The following ATP2B1 variants were observed in gnomAD, a reference collection of about 807,000 sequenced individuals.
The protein encoded by ATP2B1 is plasma membrane calcium-transporting ATPase 1.
Under a neutral mutation model 124.2 loss-of-function variants are expected in ATP2B1, and 14 were observed. That is an observed-to-expected ratio of 0.11 (90% CI 0.07 to 0.18). The LOEUF is 0.18. Among genes scored for constraint, ATP2B1 ranks in the 10% least tolerant of loss-of-function variants. The pLI, the probability that ATP2B1 is intolerant of heterozygous loss-of-function variation, is 1.00. For synonymous variants in ATP2B1, 449 were observed against 492.4 expected (o/e 0.91, Z 1.17); for missense variants, 763 against 1,466.1 (o/e 0.52, Z 7.83).
chr12:89,592,262 T>C (rs1873720636), intron 20 of ATP2B1, among the ~76,000 whole-genome samples: 1 of 152,096 alleles, frequency 6.6e-6, no homozygotes, highest in East Asian at 1.9e-4. Context: ...GCATTTACTA[T>C]GTATCAATTC....
intron 1 of ATP2B1, among the ~76,000 whole-genome samples, chr12:89,703,756 T>G (rs1268538105): frequency 6.6e-6 from 1 of 152,158 alleles, no homozygotes; most frequent in Non-Finnish European, 1.5e-5. Flanking sequence ...ATTTTCAATT[T>G]ATCAGTTCTA....
intron 3 of ATP2B1, 39 bp downstream of exon 3, chr12:89,642,119 C>T: frequency 1.3e-6 from 2 of 1,550,740 alleles, no homozygotes; most frequent in Non-Finnish European, 1.8e-6. Context: ...ATTAGCTGAA[C>T]TAGCATCAGA....
At chr12:89,647,803 T>C (rs1471275083) in intron 2 of ATP2B1, among the ~76,000 whole-genome samples, 1 of 152,158 alleles carries the variant, frequency 6.6e-6, no homozygotes, top group African/African-American at 2.4e-5. Context: ...CCTTCATGAA[T>C]GGTTCAGCAT....
chr12:89,601,266 C>A, intron 19 of ATP2B1, 60 bp downstream of exon 19: 1 of 1,144,016 alleles, frequency 8.7e-7, no homozygotes, highest in Non-Finnish European at 1.3e-6. Flanking sequence ...AGAAAATACA[C>A]ACTAGAAATT....
Position 89,623,099 on chromosome 12 carries a change from T to C in ATP2B1, c.1344+1084A>G, listed in dbSNP as rs534261724. On this transcript the variant is annotated intron_variant, in intron 9 of 20. Coordinates refer to ENST00000428670, the MANE Select transcript of ATP2B1 (RefSeq NM_001366521.1). ...ACTTTATTTTTGAAATGAAAGTTGT[T>C]AAATGCCTGAAAAGAAAATAAACTC... Among the ~76,000 whole-genome samples the C allele has an allele frequency of 8.5e-5, 13 of 152,302 alleles. No individual in the cohort carries two copies. The South Asian group carries it at 2.7e-3, about 32-fold the overall frequency.
chr12:89,610,477 G>T lies in ATP2B1; in HGVS notation c.2279C>A (p.Pro760Gln). The change falls in exon 14 of 21, where the codon CCA becomes CAA. Residue 760 changes from proline (P) to glutamine (Q), a missense_variant. By Grantham distance (76) the Pro-to-Gln change is moderately conservative. Coordinates refer to ENST00000428670, the MANE Select transcript of ATP2B1 (RefSeq NM_001366521.1). ...IEQERIDKIW[P>Q]KLRVLARSSP... ...TGATCTTGCAAGTACTCGAAGTTTT[G>T]GCCAAATCTTGTCTATCCTCTCTTG... 6.2e-7 allele frequency: 1 copy of T among 1,613,660 alleles called. No individual in the cohort carries two copies. The highest frequency in any genetic ancestry group is 8.5e-7 in the Non-Finnish European group (1 of 1,179,730).
chr12:89,630,717 C>T (rs940166624), intron 5 of ATP2B1, 72 bp from the exon 6 acceptor site: 5 of 1,150,278 alleles, frequency 4.3e-6, no homozygotes, highest in Non-Finnish European at 4.6e-6. Context: ...TTTCAAACTT[C>T]AGTAATATTG....
intron 5 of ATP2B1, among the ~76,000 whole-genome samples, chr12:89,632,409 G>T (rs1882015814): frequency 6.6e-6 from 1 of 152,106 alleles, no homozygotes; most frequent in Admixed American, 6.6e-5. Flanking sequence ...TATTTCACTA[G>T]TTATTAGCTT....
chr12:89,624,770 T>C (rs1880556429), intron 8 of ATP2B1, among the ~76,000 whole-genome samples: 1 of 152,186 alleles, frequency 6.6e-6, no homozygotes, highest in African/African-American at 2.4e-5. Context: ...AAAGAGAAAC[T>C]GGTAAAAATC....
At chr12:89,598,866 G>A in intron 20 of ATP2B1, 1 of 1,253,946 alleles carries the variant, frequency 8.0e-7, no homozygotes, top group South Asian at 1.5e-5. Context: ...ATATAGGCAA[G>A]AATAGCATTT....
chr12:89,602,258 C>G (rs1875996390), intron 18 of ATP2B1, among the ~76,000 whole-genome samples: 1 of 151,868 alleles, frequency 6.6e-6, no homozygotes, highest in Non-Finnish European at 1.5e-5. Context: ...ATAGCAAGAC[C>G]CTGTCTTAAT....
chr12:89,607,847 C>T (rs982761756), intron 15 of ATP2B1, among the ~76,000 whole-genome samples: 1 of 152,080 alleles, frequency 6.6e-6, no homozygotes, highest in African/African-American at 2.4e-5. Context: ...CGAATATTTG[C>T]GATCCACAGT....
intron 1 of ATP2B1, among the ~76,000 whole-genome samples, chr12:89,669,724 T>C (rs1278611641): frequency 1.8e-4 from 28 of 152,212 alleles, no homozygotes; most frequent in Non-Finnish European, 1.5e-5. Context: ...TGATAATTAA[T>C]AGTAATATTT....
chr12:89,687,012 GA>G lies in ATP2B1; in HGVS notation c.-222+21583del, dbSNP rs1302525201. On this transcript the variant is annotated intron_variant, in intron 1 of 20. Transcript: ENST00000428670. ...ACCACGAATAGAAAATATTCGGGGG[GA>G]AAAAAAAGGATGTGTCTGAGCATTT... 2.6e-5 allele frequency among the ~76,000 whole-genome samples: 4 copies of G among 151,446 alleles called. No individual in the cohort carries two copies. The East Asian group carries it at 5.8e-4, about 22-fold the overall frequency.
At chr12:89,636,283 G>C (rs1004395396) in intron 3 of ATP2B1, among the ~76,000 whole-genome samples, 1 of 152,124 alleles carries the variant, frequency 6.6e-6, no homozygotes, top group African/African-American at 2.4e-5. Context: ...AAGAATAACA[G>C]AACAGTGCTT....
At chr12:89,618,728 C>T (rs1446429262) in intron 11 of ATP2B1, among the ~76,000 whole-genome samples, 1 of 152,148 alleles carries the variant, frequency 6.6e-6, no homozygotes, top group Non-Finnish European at 1.5e-5. Context: ...TCATTTCATA[C>T]CAAAATCTAT....
intron 20 of ATP2B1, among the ~76,000 whole-genome samples, chr12:89,598,198 T>C (rs745841275): frequency 5.9e-5 from 9 of 152,188 alleles, no homozygotes; most frequent in Non-Finnish European, 1.2e-4. Context: ...GCTTTGAAAA[T>C]GCAATTTCCT....
At chr12:89,640,843 C>T (rs904057198) in intron 3 of ATP2B1, among the ~76,000 whole-genome samples, 9 of 152,212 alleles carry the variant, frequency 5.9e-5, no homozygotes, top group South Asian at 2.1e-4. Context: ...GCTCCTGCTT[C>T]GCCTTCTGCC....
chr12:89,640,834 C>T (rs1883389741), intron 3 of ATP2B1, among the ~76,000 whole-genome samples: 1 of 152,224 alleles, frequency 6.6e-6, no homozygotes, highest in South Asian at 2.1e-4. Context: ...GTTCTGCCTG[C>T]TCCTGCTTCG....
Sources: gnomAD v4.1 joint callset for allele counts (sites outside exome capture counted in the v4.1 genomes callset) on GRCh38, gnomAD v4.1.1 for gene constraint, MANE v1.5 for transcripts, NCBI Gene and HGNC (gene_info 2026-07-23, HGNC 2026-07-21) for gene names.